Variants in HDAC8 observed in about 807,000 individuals in gnomAD.
The protein encoded by HDAC8 is histone deacetylase-like 1.
In HDAC8, 1 loss-of-function variant was observed where a neutral mutation model predicts 32.2. The observed-to-expected ratio is 0.03, with a 90% CI of 0.01 to 0.15. The LOEUF (loss-of-function observed/expected upper bound fraction) is 0.15, where lower values mean the gene tolerates loss of function less well. HDAC8 is among the 10% of genes least tolerant of loss of function. The probability of loss-of-function intolerance (pLI) is 1.00; values close to 1 mark genes in which losing one functional copy is unlikely to be tolerated. For missense variants in HDAC8, 117 were observed against 300.0 expected (o/e 0.39, Z 4.51); for synonymous variants, 108 against 113.9 (o/e 0.95, Z 0.33).
At chrX:72,421,544 ACT>A (rs1164424484) in intron 9 of HDAC8, among the ~76,000 whole-genome samples, 1 of 110,938 alleles carries the variant, frequency 9.0e-6, no homozygotes, top group Non-Finnish European at 1.9e-5. Flanking sequence ...GCACATGAAA[ACT>A]CTGCTATTAT....
intron 4 of HDAC8, among the ~76,000 whole-genome samples, chrX:72,526,990 T>A (rs2050172586): frequency 9.0e-6 from 1 of 111,587 alleles, no homozygotes; most frequent in Non-Finnish European, 1.9e-5. Context: ...GGGTTATTTT[T>A]GTCAAAGAAA....
At chrX:72,516,635 G>A (rs1330493201) in intron 4 of HDAC8, among the ~76,000 whole-genome samples, 1 of 110,689 alleles carries the variant, frequency 9.0e-6, no homozygotes, top group African/African-American at 3.3e-5. Context: ...AGTGCTTTTG[G>A]AAAAAAACCC....
chrX:72,442,080 G>T (rs1325149647), intron 9 of HDAC8, among the ~76,000 whole-genome samples: 1 of 111,050 alleles, frequency 9.0e-6, no homozygotes, highest in Admixed American at 9.6e-5. Flanking sequence ...GAAAGTGACG[G>T]GGAGAATGGA....
intron 9 of HDAC8, among the ~76,000 whole-genome samples, chrX:72,445,668 C>A (rs1476061199): frequency 2.7e-5 from 3 of 111,739 alleles, no homozygotes; most frequent in African/African-American, 9.8e-5. Flanking sequence ...GCAACAAAAG[C>A]CAAAATTGAT....
chrX:72,569,521 T>C (rs1556145489), intron 2 of HDAC8, among the ~76,000 whole-genome samples: 2 of 112,194 alleles, frequency 1.8e-5, no homozygotes, highest in African/African-American at 6.5e-5. Flanking sequence ...TATTAACAGA[T>C]AAAAAATGGG....
At chrX:72,472,368 A>G (rs1162712146) in intron 7 of HDAC8, among the ~76,000 whole-genome samples, 2 of 111,274 alleles carry the variant, frequency 1.8e-5, no homozygotes, top group African/African-American at 3.3e-5. Flanking sequence ...CGCCCGGCCC[A>G]ACTTTATTCT....
At chrX:72,435,360 C>T (rs2046920075) in intron 9 of HDAC8, among the ~76,000 whole-genome samples, 1 of 110,666 alleles carries the variant, frequency 9.0e-6, no homozygotes, top group East Asian at 2.8e-4. Flanking sequence ...TCTACAGGTC[C>T]CAATAAAAAT....
At position 72,329,907 on chromosome X, in the gene HDAC8, C is replaced by A; in HGVS notation, c.*147G>T. 1 of 798,642 alleles carries A rather than the reference C, an allele frequency of 1.3e-6. No homozygotes were observed. The allele number at this position is 798,642 out of a possible 1,213,427, so 65.8% of individuals were successfully genotyped here. A position where few individuals can be genotyped will look rare whatever the true frequency, so the allele number is the denominator to read the frequency against. On this transcript the variant is annotated 3_prime_UTR_variant, in exon 11 of 11. Coordinates refer to ENST00000373573, the MANE Select transcript of HDAC8 (RefSeq NM_018486.3). ...CTCTTCACCCCAGGAAGCCAGCTGC[C>A]ACTTGATGCCCCTTGGAAATTTTCA...
chrX:72,355,360 G>A (rs954202108), intron 9 of HDAC8, among the ~76,000 whole-genome samples: 31 of 112,158 alleles, frequency 2.8e-4, no homozygotes, highest in Non-Finnish European at 4.7e-4. Flanking sequence ...TGACCTTCAA[G>A]GGAAAATGCT....
At chrX:72,335,928 T>TAACAACAAC (rs1205579004) in intron 10 of HDAC8, among the ~76,000 whole-genome samples, 3 of 103,505 alleles carry the variant, frequency 2.9e-5, no homozygotes, top group African/African-American at 1.1e-4. Context: ...AAAAAAAAAT[T>TAACAACAAC]AACAACAACA....
At chrX:72,544,962 T>C (rs180934273) in intron 4 of HDAC8, among the ~76,000 whole-genome samples, 1 of 111,779 alleles carries the variant, frequency 8.9e-6, no homozygotes, top group African/African-American at 3.3e-5. Context: ...AGGCAAGTCC[T>C]GGTTATCAGG....
At chrX:72,478,151 C>T (rs1398260811) in intron 7 of HDAC8, among the ~76,000 whole-genome samples, 1 of 112,281 alleles carries the variant, frequency 8.9e-6, no homozygotes, top group East Asian at 2.8e-4. Flanking sequence ...GAATGTTTGT[C>T]CTACTTAGGA....
intron 9 of HDAC8, among the ~76,000 whole-genome samples, chrX:72,412,842 C>G (rs1555970602): frequency 8.9e-6 from 1 of 112,024 alleles, no homozygotes. Context: ...TGAGGTAACC[C>G]TGTACAGACA....
At chrX:72,567,506 G>A in intron 4 of HDAC8, 1 of 383,298 alleles carries the variant, frequency 2.6e-6, no homozygotes, top group Non-Finnish European at 4.6e-6. Flanking sequence ...TTCTAATTTT[G>A]TTAATGTTTC....
At chrX:72,500,005 A>G in intron 4 of HDAC8, among the ~76,000 whole-genome samples, 1 of 111,767 alleles carries the variant, frequency 8.9e-6, no homozygotes, top group Non-Finnish European at 1.9e-5. Context: ...TGAACACTCT[A>G]TGCACACAAA....
rs73624233 is a variant in HDAC8 at position 72,350,184 on chromosome X, C to T, written c.1111+1549G>A. On this transcript the variant is annotated intron_variant, in intron 10 of 10. Coordinates refer to ENST00000373573, the MANE Select transcript of HDAC8 (RefSeq NM_018486.3). Reference sequence around the variant, plus strand: ...AAGCAAGGACTTGTGGGGTCAGTAGCCACTGAGAGGTGAGAGGGAGTTAGC... The same window carrying T: ...AAGCAAGGACTTGTGGGGTCAGTAGTCACTGAGAGGTGAGAGGGAGTTAGC... Among the ~76,000 whole-genome samples, 652 of 111,101 alleles carry T rather than the reference C, an allele frequency of 5.9e-3. 6 individuals carry two copies. Among genetic ancestry groups the T allele is most frequent in the African/African-American group, 0.02 (597 of 30,566 alleles).
chrX:72,439,635 A>G (rs1305271100), intron 9 of HDAC8, among the ~76,000 whole-genome samples: 2 of 97,159 alleles, frequency 2.1e-5, no homozygotes, highest in African/African-American at 8.5e-5. Flanking sequence ...AAGCAAATGG[A>G]AAGCAAAAAA....
At chrX:72,405,749 A>T (rs1555968595) in intron 9 of HDAC8, among the ~76,000 whole-genome samples, 1 of 110,810 alleles carries the variant, frequency 9.0e-6, no homozygotes, top group Admixed American at 9.5e-5. Flanking sequence ...TACTTTTTTC[A>T]TCTCTTTGTA....
chrX:72,559,659 G>A (rs1556111839), intron 4 of HDAC8, among the ~76,000 whole-genome samples: 1 of 108,402 alleles, frequency 9.2e-6, no homozygotes, highest in African/African-American at 3.4e-5. Flanking sequence ...CGTCTGAGAT[G>A]TGGGGAGCAC....
Sources: gnomAD v4.1 joint callset for allele counts (sites outside exome capture counted in the v4.1 genomes callset) on GRCh38, gnomAD v4.1.1 for gene constraint, MANE v1.5 for transcripts, NCBI Gene and HGNC (gene_info 2026-07-23, HGNC 2026-07-21) for gene names.